POP1: variants seen among roughly 807,000 people sequenced by gnomAD.
POP1 encodes the protein POP1 ribonuclease P/MRP subunit.
Under a neutral mutation model 102.2 loss-of-function variants are expected in POP1, and 75 were observed. The observed-to-expected ratio is 0.73, with a 90% CI of 0.61 to 0.89. The LOEUF (loss-of-function observed/expected upper bound fraction) is 0.89. POP1 is among the 40% of genes least tolerant of loss of function. The probability of loss-of-function intolerance (pLI) is 0.00; values close to 1 mark genes in which losing one functional copy is unlikely to be tolerated. For synonymous variants in POP1, 436 were observed against 464.1 expected, an observed-to-expected ratio of 0.94 and a Z score of 0.78; for missense variants, 1,116 against 1,267.4, an observed-to-expected ratio of 0.88 and a Z score of 1.81.
At chr8:98,136,985 T>A in intron 9 of POP1, 31 bp downstream of exon 9, 2 of 1,545,232 alleles carry the variant, frequency 1.3e-6, no homozygotes, top group Admixed American at 3.3e-5. Flanking sequence ...AGTGTTTTAT[T>A]CTAATCATGT....
At chr8:98,130,801 G>A (rs1162200225) in intron 5 of POP1, among the ~76,000 whole-genome samples, 1 of 152,158 alleles carries the variant, frequency 6.6e-6, no homozygotes, top group Non-Finnish European at 1.5e-5. Flanking sequence ...CAGAATGCTG[G>A]TCTAGGTGTT....
intron 1 of POP1, among the ~76,000 whole-genome samples, chr8:98,121,763 A>C (rs1474182583): frequency 6.6e-6 from 1 of 151,598 alleles, no homozygotes; most frequent in Non-Finnish European, 1.5e-5. Flanking sequence ...GCTCACTGTA[A>C]GCTCCACCTT....
At chr8:98,134,976 A>G (rs758989610) in intron 7 of POP1, among the ~76,000 whole-genome samples, 2 of 152,198 alleles carry the variant, frequency 1.3e-5, no homozygotes, top group Non-Finnish European at 2.9e-5. Flanking sequence ...GAACTTGTTT[A>G]TCAAATATAA....
chr8:98,154,386 C>T (rs1028076641), intron 14 of POP1, among the ~76,000 whole-genome samples: 6 of 152,042 alleles, frequency 3.9e-5, no homozygotes, highest in Non-Finnish European at 4.4e-5. Flanking sequence ...TGCTGCGAGC[C>T]GCAGGGAGGT....
At chr8:98,123,251 A>G in intron 1 of POP1, 85 bp from the exon 2 acceptor site, 1 of 1,465,314 alleles carries the variant, frequency 6.8e-7, no homozygotes. Context: ...ATTTTGAATC[A>G]CATGAATATT....
At chr8:98,137,179 A>C (rs911511895) in intron 9 of POP1, among the ~76,000 whole-genome samples, 1 of 152,208 alleles carries the variant, frequency 6.6e-6, no homozygotes, top group South Asian at 2.1e-4. Context: ...TTAAATACAG[A>C]CTGCTCTTGC....
At chr8:98,125,455 G>A (rs1392953867) in intron 2 of POP1, among the ~76,000 whole-genome samples, 8 of 151,994 alleles carry the variant, frequency 5.3e-5, no homozygotes. Context: ...CAAAGTGCTG[G>A]GATTACAGGC....
Position 98,134,523 on chromosome 8 carries a change from T to C in POP1, c.875T>C (p.Leu292Pro). ...TTGTCTGGAAAGCGCCAAGGGAGCCTTGTGCTTTATCGGGTGAATAAATAT... is the reference window on the plus strand; with the variant it reads ...TTGTCTGGAAAGCGCCAAGGGAGCCCTGTGCTTTATCGGGTGAATAAATAT... ...HCLSGKRQGS[L>P]VLYRVNKYPR... The change falls in exon 7 of 16, where the codon CTT becomes CCT. Residue 292 changes from leucine to proline, a missense_variant. Transcript: ENST00000401707. 6.2e-7 allele frequency: 1 copy of C among 1,614,216 alleles called. No homozygotes were observed. The highest frequency in any genetic ancestry group is 8.5e-7 in the Non-Finnish European group (1 of 1,180,042).
intron 5 of POP1, 95 bp downstream of exon 5, chr8:98,130,321 T>C: frequency 6.5e-7 from 1 of 1,532,180 alleles, no homozygotes; most frequent in Non-Finnish European, 9.0e-7. Context: ...GCCCCGTTTA[T>C]GTGATTATTC....
chr8:98,131,880 G>C (rs141764563), intron 5 of POP1, among the ~76,000 whole-genome samples: 28 of 152,302 alleles, frequency 1.8e-4, no homozygotes, highest in African/African-American at 6.5e-4. Flanking sequence ...AGAAATCATA[G>C]ATAATAGTCA....
At chr8:98,152,716 G>A (rs577245772) in intron 14 of POP1, among the ~76,000 whole-genome samples, 1 of 152,332 alleles carries the variant, frequency 6.6e-6, no homozygotes, top group East Asian at 1.9e-4. Context: ...TGTTCAAAAT[G>A]TCACTTTGAA....
Position 98,158,178 on chromosome 8 carries a change from G to A in POP1, c.2982G>A (p.Leu994=). The A allele has an allele frequency of 6.2e-7, 1 of 1,611,496 alleles. No individual in the cohort carries two copies. The highest frequency in any genetic ancestry group is 8.5e-7 in the Non-Finnish European group (1 of 1,179,618). ...FVSLTGLLDM[L]SSQPAAQRGL... ...GCTTGACAGGCTTGCTGGATATGCT[G>A]TCCAGCCAGCCTGCAGCGCAGAGGG... The change falls in exon 16 of 16, where the codon CTG becomes CTA. Residue 994 remains leucine, a synonymous_variant. Transcript: ENST00000401707.
chr8:98,148,208 C>T (rs1181859283), intron 12 of POP1, among the ~76,000 whole-genome samples: 2 of 152,130 alleles, frequency 1.3e-5, no homozygotes, highest in South Asian at 2.1e-4. Context: ...GCTTGAAGAG[C>T]GTTCATGAGG....
chr8:98,130,414 C>G (rs935995989), intron 5 of POP1, among the ~76,000 whole-genome samples, 188 bp downstream of exon 5: 4 of 152,144 alleles, frequency 2.6e-5, no homozygotes, highest in African/African-American at 9.7e-5. Flanking sequence ...AGGGGGGTGA[C>G]TGACATTAAT....
intron 4 of POP1, 115 bp downstream of exon 4, chr8:98,128,655 A>G (rs1816285713): frequency 8.3e-7 from 1 of 1,205,602 alleles, no homozygotes; most frequent in Non-Finnish European, 1.2e-6. Context: ...ATGGTGGCTC[A>G]CGCCTGTAAT....
At chr8:98,122,869 C>T (rs968046706) in intron 1 of POP1, among the ~76,000 whole-genome samples, 3 of 152,128 alleles carry the variant, frequency 2.0e-5, no homozygotes, top group African/African-American at 4.8e-5. Flanking sequence ...GTAAATCAGT[C>T]GGGGTCCCAC....
At chr8:98,139,168 A>C (rs1486484246) in intron 9 of POP1, among the ~76,000 whole-genome samples, 1 of 152,072 alleles carries the variant, frequency 6.6e-6, no homozygotes, top group Non-Finnish European at 1.5e-5. Flanking sequence ...CTTCTTTAGG[A>C]TCCGTAAGTG....
rs544624760 is a variant in POP1, at chr8:98,135,625, T to A, written c.1012-857T>A. 8.6e-5 allele frequency among the ~76,000 whole-genome samples: 13 copies of A among 151,810 alleles called. No homozygotes were observed. The South Asian group carries it at 2.1e-3, about 24-fold the overall frequency. On this transcript the variant is annotated intron_variant, in intron 7 of 15. Coordinates refer to ENST00000401707, the MANE Select transcript of POP1 (RefSeq NM_001145860.2). ...CCATTTGAAATTTTCAGTTTCAAAA[T>A]TTTTTTTTGTTTAAAGTGGCATACA...
intron 2 of POP1, among the ~76,000 whole-genome samples, chr8:98,125,179 GTTT>G (rs748014497): frequency 9.8e-6 from 1 of 102,278 alleles, no homozygotes. Flanking sequence ...TTTACAGACA[GTTT>G]TTTTTTTTTT....
Sources: allele counts gnomAD v4.1 joint callset (sites outside exome capture counted in the v4.1 genomes callset), GRCh38; gene constraint gnomAD v4.1.1; transcripts MANE v1.5; gene names NCBI Gene and HGNC (gene_info 2026-07-23, HGNC 2026-07-21).